PDE4DIP: variants seen among roughly 807,000 people sequenced by gnomAD.
PDE4DIP encodes the protein phosphodiesterase 4D interacting protein, also known as myomegalin.
PDE4DIP carries 59 observed loss-of-function variants against 221.4 expected under a neutral mutation model. The ratio of observed to expected loss-of-function variants is 0.27; its 90% CI spans 0.22 to 0.33. PDE4DIP has a LOEUF of 0.33. PDE4DIP is among the 10% of genes least tolerant of loss of function. The probability of loss-of-function intolerance (pLI) is 1.00; values close to 1 mark genes in which losing one functional copy is unlikely to be tolerated. For missense variants in PDE4DIP, 1,036 were observed against 2,154.2 expected, an observed-to-expected ratio of 0.48 and a Z score of 10.28; for synonymous variants, 404 against 815.9, an observed-to-expected ratio of 0.50 and a Z score of 8.60.
chr1:149,024,036 C>T (rs1282290347), intron 37 of PDE4DIP, among the ~76,000 whole-genome samples: 1 of 151,428 alleles, frequency 6.6e-6, no homozygotes, highest in Non-Finnish European at 1.5e-5. Flanking sequence ...CAAAAGACCT[C>T]CTCCTTCTCT....
chr1:148,926,619 C>T (rs1172153677), intron 1 of PDE4DIP, among the ~76,000 whole-genome samples: 18 of 148,432 alleles, frequency 1.2e-4, no homozygotes, highest in Admixed American at 2.7e-4. Context: ...TTATGCCTCA[C>T]GATCCTCTCA....
At chr1:148,922,922 G>T (rs1271206115) in intron 1 of PDE4DIP, among the ~76,000 whole-genome samples, 2 of 142,610 alleles carry the variant, frequency 1.4e-5, no homozygotes, top group Non-Finnish European at 3.0e-5. Context: ...GTTTCTCTCT[G>T]TCACCCCAGC....
intron 21 of PDE4DIP, chr1:148,981,724 C>T: frequency 3.6e-6 from 1 of 279,256 alleles, no homozygotes; most frequent in South Asian, 4.3e-5. Context: ...ATCCCTAGCC[C>T]CTTCTCGTTC....
At chr1:149,020,592 A>G in intron 36 of PDE4DIP, 1 of 312,936 alleles carries the variant, frequency 3.2e-6, no homozygotes, top group Non-Finnish European at 6.0e-6. Flanking sequence ...AGTCTTCAGT[A>G]TATCAGAGAC....
At chr1:148,968,801 T>C (rs1553521205) in intron 13 of PDE4DIP, 35 bp from the exon 17 acceptor site, 2 of 1,373,230 alleles carry the variant, frequency 1.5e-6, no homozygotes, top group African/African-American at 1.4e-5. Flanking sequence ...GGCATTTCTT[T>C]CCTCCAGAAG....
At chr1:148,961,006 G>C (rs1156395465) in intron 6 of PDE4DIP, among the ~76,000 whole-genome samples, 1 of 152,236 alleles carries the variant, frequency 6.6e-6, no homozygotes, top group Non-Finnish European at 1.5e-5. Flanking sequence ...TTTCAGGTGT[G>C]TAATTAAAAC....
chr1:148,859,834 G>GTGTA (rs1553399064), intron 1 of PDE4DIP, among the ~76,000 whole-genome samples: 1 of 133,932 alleles, frequency 7.5e-6, no homozygotes, highest in East Asian at 2.0e-4. Context: ...GTGTGTATGT[G>GTGTA]TGTGTGTGTG....
Position 148,956,179 on chromosome 1 carries a change from A to G in PDE4DIP, c.637-4475A>G, listed in dbSNP as rs587649367. Among the ~76,000 whole-genome samples, 372 of 152,158 alleles carry G rather than the reference A, an allele frequency of 2.4e-3. 3 individuals are homozygous for G. Among genetic ancestry groups the G allele is most frequent in the Non-Finnish European group, 4.0e-3 (274 of 67,962 alleles). On this transcript the variant is annotated intron_variant, in intron 5 of 43. Coordinates refer to ENST00000369354, the Ensembl canonical transcript of PDE4DIP. ...TAGTTCTCTTTTTTAGTTTGTAGAA[A>G]CACGAAACCATGAAAGAAAAAAATG...
At chr1:148,992,660 G>A (rs1375510401) in intron 22 of PDE4DIP, 1 of 1,110,792 alleles carries the variant, frequency 9.0e-7, no homozygotes, top group Admixed American at 4.5e-5. Context: ...CACCAATAGT[G>A]ATCTCACAAG....
chr1:148,933,754 G>A (rs2048588030), intron 4 of PDE4DIP, among the ~76,000 whole-genome samples: 1 of 152,168 alleles, frequency 6.6e-6, no homozygotes, highest in African/African-American at 2.4e-5. Flanking sequence ...ACCTTTAGGA[G>A]ATAAGATCCA....
chr1:148,920,252 C>T (rs2045271191), intron 1 of PDE4DIP, among the ~76,000 whole-genome samples: 2 of 133,788 alleles, frequency 1.5e-5, no homozygotes, highest in Non-Finnish European at 1.6e-5. Context: ...CCTGCCTCAG[C>T]CTCCTGAGTA....
chr1:148,978,541 A>C, intron 19 of PDE4DIP, 126 bp downstream of exon 22: 1 of 615,684 alleles, frequency 1.6e-6, no homozygotes, highest in East Asian at 2.9e-5. Flanking sequence ...ACTGCAAGTG[A>C]TCCATCCTCC....
chr1:148,946,119 G>T (rs1344417799), intron 5 of PDE4DIP, among the ~76,000 whole-genome samples: 1 of 152,152 alleles, frequency 6.6e-6, no homozygotes, highest in Non-Finnish European at 1.5e-5. Context: ...GGGACATCTG[G>T]CTCAATCTTT....
At chr1:148,996,895 T>A (rs868969476) in intron 22 of PDE4DIP, among the ~76,000 whole-genome samples, 12 of 152,334 alleles carry the variant, frequency 7.9e-5, no homozygotes, top group African/African-American at 2.9e-4. Flanking sequence ...GAAATGCACA[T>A]CAAATATTTG....
At chr1:148,989,604 C>T (rs2062608155) in intron 21 of PDE4DIP, among the ~76,000 whole-genome samples, 1 of 152,176 alleles carries the variant, frequency 6.6e-6, no homozygotes. Context: ...CTCCACAACC[C>T]AGCAACAATG....
intron 5 of PDE4DIP, among the ~76,000 whole-genome samples, chr1:148,955,594 TACATTAAACCCCA>T: frequency 6.6e-6 from 1 of 151,450 alleles, no homozygotes; most frequent in African/African-American, 2.4e-5. Context: ...TTTAATTCTA[TACATTAAACCCCA>T]TTGTCTGAAG....
chr1:148,997,656 G>A, intron 22 of PDE4DIP, among the ~76,000 whole-genome samples: 1 of 151,416 alleles, frequency 6.6e-6, no homozygotes, highest in African/African-American at 2.4e-5. Context: ...CCTCTCAGCT[G>A]TCCTTGAGGG....
intron 21 of PDE4DIP, chr1:148,989,348 A>G (rs781833288): frequency 4.2e-5 from 39 of 927,846 alleles, no homozygotes; most frequent in African/African-American, 5.4e-5. Flanking sequence ...GAGTGTCGAG[A>G]TGAGATGAGC....
chr1:148,915,305 A>C (rs1553457518), intron 1 of PDE4DIP, among the ~76,000 whole-genome samples: 1 of 152,246 alleles, frequency 6.6e-6, no homozygotes, highest in Non-Finnish European at 1.5e-5. Context: ...ACACCACCAC[A>C]CCTGGCTAAT....
Sources: gnomAD v4.1 joint callset for allele counts (sites outside exome capture counted in the v4.1 genomes callset) on GRCh38, gnomAD v4.1.1 for gene constraint, MANE v1.5 for transcripts, NCBI Gene and HGNC (gene_info 2026-07-23, HGNC 2026-07-21) for gene names.